Variants in ABCA2 observed in about 807,000 individuals in gnomAD.
ABCA2 encodes ATP binding cassette subfamily A member 2.
ABCA2 carries 84 observed loss-of-function variants against 262.8 expected under a neutral mutation model. The ratio of observed to expected loss-of-function variants is 0.32; its 90% CI spans 0.27 to 0.38. The LOEUF is 0.38. Among genes scored for constraint, ABCA2 ranks in the 10% least tolerant of loss-of-function variants. The pLI is 1.00. For missense variants in ABCA2, 2,662 were observed against 3,405.9 expected, an observed-to-expected ratio of 0.78 and a Z score of 5.44; for synonymous variants, 1,696 against 1,502.9, an observed-to-expected ratio of 1.13 and a Z score of -2.97.
intron 39 of ABCA2, 75 bp downstream of exon 39, chr9:137,010,898 C>CGCCCCTACCCTGCCCCACCCCT: frequency 1.6e-6 from 1 of 641,990 alleles, no homozygotes; most frequent in Non-Finnish European, 2.6e-6. Flanking sequence ...CCCCCACCCC[C>CGCCCCTACCCTGCCCCACCCCT]GCCCCTACCC....
At chr9:137,009,348 C>G in intron 45 of ABCA2, 22 bp downstream of exon 45, 1 of 1,560,638 alleles carries the variant, frequency 6.4e-7, no homozygotes, top group Non-Finnish European at 8.6e-7. Context: ...CCCAGCCCAC[C>G]CCTGGCCCTG....
At position 137,021,393 on chromosome 9, in the gene ABCA2, T is replaced by C. The variant is rs766752857; in HGVS notation, c.896A>G (p.Gln299Arg). ...GGCAGTGGGCAGGCAGGGCCTCACC[T>C]GCTGGGAGACCTTGGCCACGTCCAG... ...NQLDVAKVSQ[Q>R]LGLDAPNGSD... Residue 299 changes from glutamine to arginine, a missense_variant and splice_region_variant, in exon 8 of 49, where the codon CAG (glutamine) becomes CGG (arginine). Transcript: ENST00000341511. The surrounding 1 kb of genome is among the most constrained non-coding windows in gnomAD (Gnocchi z 6.0). 3 of 1,606,092 alleles carry C rather than the reference T, an allele frequency of 1.9e-6. No homozygotes were observed. In the East Asian group the frequency reaches 6.7e-5, roughly 36 times the overall value.
At position 137,022,497 on chromosome 9, in the gene ABCA2, G is replaced by T. The variant is rs375840624; in HGVS notation, c.440-19C>A. The stretch of plus-strand genomic sequence containing the variant: ...GAAGACACTGGACAGGCAGGAAGGC[G>T]AGGCTGAGAGGCCGCTGCACCTTGG... On this transcript the variant is annotated intron_variant, in intron 5 of 48. Coordinates refer to ENST00000341511, the MANE Select transcript of ABCA2 (RefSeq NM_001606.5). The T allele has an allele frequency of 6.2e-7, 1 of 1,607,788 alleles. No individual in the cohort carries two copies. The highest frequency in any genetic ancestry group is 8.5e-7 in the Non-Finnish European group (1 of 1,177,494).
At chr9:137,028,904 TTCGGGA>T (rs776810816), upstream of ABCA2, 5 of 1,296,784 alleles carry the variant, frequency 3.9e-6, no homozygotes, top group African/African-American at 3.2e-5. This position sits in a 1 kb window ranked among gnomAD's most constrained non-coding sequence, Gnocchi z 6.9. Context: ...GCACAGGGAG[TTCGGGA>T]TCAGGCGGTT....
Position 137,011,766 on chromosome 9 carries a change from G to A in ABCA2, c.5536-17C>T, listed in dbSNP as rs145987961. ...GTAGTTGAGCTGCAGGGGTGGGGGC[G>A]GCTGGTGAGAGACCCGGGGCAGGGC... On this transcript the variant is annotated splice_polypyrimidine_tract_variant and intron_variant, in intron 35 of 48. Coordinates refer to ENST00000341511, the MANE Select transcript of ABCA2 (RefSeq NM_001606.5). The surrounding 1 kb of genome is among the most constrained non-coding windows in gnomAD (Gnocchi z 8.8). The A allele has an allele frequency of 1.1e-3, 1,629 of 1,550,384 alleles. 32 individuals are homozygous for A. In the Admixed American group the frequency reaches 0.029, roughly 28 times the overall value.
rs762245882 is a variant in ABCA2, at chr9:137,012,918, C to T, written c.4875G>A (p.Trp1625Ter). The part of the protein sequence containing the change: ...SLPPTAGPEM[W>*]TSAPSLPRLV... ...GGCGCGGCAGGGAGGGTGCCGACGT[C>T]CACATTTCTGTGGGCACAGCATGGT... is the stretch of plus-strand genomic sequence containing the variant. Residue 1625 changes from tryptophan to a stop codon, truncating the protein, a stop_gained, in exon 31 of 49, where the codon TGG (tryptophan) becomes TGA (stop). Transcript: ENST00000341511. LOFTEE classifies it high-confidence loss of function. 6.6e-7 allele frequency: 1 copy of T among 1,517,404 alleles called. No individual in the cohort carries two copies. Among genetic ancestry groups the T allele is most frequent in the Non-Finnish European group, 8.8e-7 (1 of 1,131,074 alleles). The allele number at this position is 1,517,404 out of a possible 1,614,324, so 94.0% of individuals were successfully genotyped here.
rs759819202 is a variant in ABCA2, at chr9:137,007,960, T to C, written c.7280A>G (p.Gln2427Arg). ...GLISFEEERA[Q>R]LSFNTDTLC ...GAGCGTGTCCGTGTTGAAGGACAGC[T>C]GGGCCTGTGCACAGGGGAGGTCAGG... Residue 2427 changes from glutamine (Q) to arginine (R), a missense_variant, in exon 49 of 49, where the codon CAG (glutamine) becomes CGG (arginine). Physicochemically the swap from Gln to Arg is conservative, Grantham distance 43. Coordinates refer to ENST00000341511, the MANE Select transcript of ABCA2 (RefSeq NM_001606.5). 2 of 1,604,994 alleles carry C rather than the reference T, an allele frequency of 1.2e-6. No homozygotes were observed. The highest frequency in any genetic ancestry group is 1.7e-5 in the Admixed American group (1 of 59,990).
intron 48 of ABCA2, 86 bp downstream of exon 48, chr9:137,008,330 C>T (rs1830905317): frequency 3.4e-6 from 5 of 1,468,376 alleles, no homozygotes; most frequent in Non-Finnish European, 4.6e-6. Flanking sequence ...GCCAGTTCTC[C>T]CCCGACCCCA....
At chr9:137,008,674 G>A (rs1830919595) in intron 47 of ABCA2, 52 bp from the exon 48 acceptor site, 3 of 1,563,016 alleles carry the variant, frequency 1.9e-6, no homozygotes, top group South Asian at 1.2e-5. Context: ...GGTGAGGAGG[G>A]GCAGGGCGGG....
At position 137,014,717 on chromosome 9, in the gene ABCA2, C is replaced by T. The variant is rs766586882; in HGVS notation, c.3976G>A (p.Asp1326Asn). 1.0e-5 allele frequency: 16 copies of T among 1,605,896 alleles called. No homozygotes were observed. The highest frequency in any genetic ancestry group is 1.3e-5 in the Non-Finnish European group (15 of 1,177,462). The change falls in exon 26 of 49, where the codon GAT (aspartate) becomes AAT (asparagine). Residue 1326 changes from aspartate (D) to asparagine (N), a missense_variant. By Grantham distance (23) the Asp-to-Asn change is conservative. Coordinates refer to ENST00000341511, the MANE Select transcript of ABCA2 (RefSeq NM_001606.5). ...GCCTCACTGTTCTCCAGCGACTGATCCTCCTCCGACACCTTGAGGAACACT... is the reference window on the plus strand; with the variant it reads ...GCCTCACTGTTCTCCAGCGACTGATTCTCCTCCGACACCTTGAGGAACACT... ...EEVFLKVSEE[D>N]QSLENSEADV... is the part of the protein sequence containing the mutation.
chr9:137,027,955 C>T (rs996972577), intron 1 of ABCA2, 120 bp downstream of exon 1: 65 of 390,524 alleles, frequency 1.7e-4, no homozygotes, highest in African/African-American at 1.3e-3. Flanking sequence ...GCCCGCGCCG[C>T]CCCCAGCGCC....
Position 137,021,577 on chromosome 9 carries a change from G to A in ABCA2, c.712C>T (p.Leu238Phe). ...LLLAPALLEQ[L>F]TCTPGSGELG... is the part of the protein sequence containing the mutation. Reference sequence around the variant, plus strand: ...TCCCCCGAGCCCGGCGTGCAGGTGAGCTGCTCCAGGAGGGCAGGAGCCAGC... The same window carrying A: ...TCCCCCGAGCCCGGCGTGCAGGTGAACTGCTCCAGGAGGGCAGGAGCCAGC... The change falls in exon 8 of 49, where the codon CTC (leucine) becomes TTC (phenylalanine). Residue 238 changes from leucine (L) to phenylalanine (F), a missense_variant. By Grantham distance (22) the Leu-to-Phe change is conservative. Transcript: ENST00000341511. This position sits in a 1 kb window ranked among gnomAD's most constrained non-coding sequence, Gnocchi z 6.0. 6.4e-7 allele frequency: 1 copy of A among 1,568,704 alleles called. No homozygotes were observed. Among genetic ancestry groups the A allele is most frequent in the Non-Finnish European group, 8.6e-7 (1 of 1,158,032 alleles).
intron 48 of ABCA2, chr9:137,008,167 T>A: frequency 1.2e-6 from 1 of 812,292 alleles, no homozygotes; most frequent in Non-Finnish European, 2.0e-6. Flanking sequence ...GGTCCCCTGT[T>A]CCCCGGCTCT....
chr9:137,008,996 G>A lies in ABCA2; in HGVS notation c.6885C>T (p.Asp2295=), dbSNP rs1010386337. 7.5e-6 allele frequency: 12 copies of A among 1,592,782 alleles called. No homozygotes were observed. The highest frequency in any genetic ancestry group is 1.4e-5 in the African/African-American group (1 of 71,588). Reference sequence around the variant, plus strand: ...AGTTGCGGTTGAAGAACCGCACCACGTCCTTCACACTCTGGCTGCTCTTGG... The same window carrying A: ...AGTTGCGGTTGAAGAACCGCACCACATCCTTCACACTCTGGCTGCTCTTGG... ...VRTKSSQSVK[D]VVRFFNRNFP... The change falls in exon 46 of 49, where the codon GAC becomes GAT. Residue 2295 remains aspartate (D), a synonymous_variant. Transcript: ENST00000341511.
chr9:137,019,107 C>G lies in ABCA2; in HGVS notation c.1555-37G>C. 1 of 1,602,184 alleles carries G rather than the reference C, an allele frequency of 6.2e-7. No homozygotes were observed. Among genetic ancestry groups the G allele is most frequent in the Non-Finnish European group, 8.5e-7 (1 of 1,172,684 alleles). Reference sequence around the variant, plus strand: ...GGGGCGGCTCAGAGGGGGACCTGCGCCTGCCGAGCCGGGCAGAGAGGGGCT... The same window carrying G: ...GGGGCGGCTCAGAGGGGGACCTGCGGCTGCCGAGCCGGGCAGAGAGGGGCT... On this transcript the variant is annotated intron_variant, in intron 11 of 48. Coordinates refer to ENST00000341511, the MANE Select transcript of ABCA2 (RefSeq NM_001606.5). The surrounding 1 kb of genome is among the most constrained non-coding windows in gnomAD (Gnocchi z 4.4).
At chr9:137,015,638 G>A (rs754445783) in intron 23 of ABCA2, 37 bp downstream of exon 23, 27 of 1,610,316 alleles carry the variant, frequency 1.7e-5, no homozygotes, top group African/African-American at 9.3e-5. Context: ...CAGGGGAGGC[G>A]CCGCCCGCAC....
At chr9:137,010,872 TCCTGCCCCATC>T (rs1831012718) in intron 39 of ABCA2, 90 bp downstream of exon 39, 22 of 625,632 alleles carry the variant, frequency 3.5e-5, no homozygotes, top group African/African-American at 7.9e-5. Flanking sequence ...CCTCACCCCC[TCCTGCCCCATC>T]CCTGCCCCCA....
chr9:137,028,844 T>C (rs753447167), upstream of ABCA2: 6 of 1,323,022 alleles, frequency 4.5e-6, no homozygotes, highest in Non-Finnish European at 5.0e-6. The surrounding 1 kb of genome is among the most constrained non-coding windows in gnomAD (Gnocchi z 6.9). Context: ...AGGCGGCCCC[T>C]GCTGCACGCG....
In ABCA2 at chr9:137,018,758, G is replaced by C. The variant is rs769067509; in HGVS notation, c.1780C>G (p.Leu594Val). The C allele has an allele frequency of 3.1e-6, 5 of 1,612,306 alleles. No homozygotes were observed. The highest frequency in any genetic ancestry group is 1.7e-5 in the Admixed American group (1 of 59,968). ...PDEESIVNYT[L>V]NQAYQDNVTV... ...ACGTTGTCCTGGTAGGCCTGGTTGA[G>C]GGTGTAGTTGACAATGCTCTCCTCG... Residue 594 changes from leucine (L) to valine (V), a missense_variant, in exon 13 of 49, where the codon CTC becomes GTC. By Grantham distance (32) the Leu-to-Val change is conservative. Around this residue, in one of 12 missense-constraint regions of ABCA2, gnomAD observed 187 missense variants for 205.9 expected, o/e 0.91. Transcript: ENST00000341511.
Sources: allele counts gnomAD v4.1 joint callset, GRCh38; gene constraint gnomAD v4.1.1; regional missense constraint gnomAD v4.1.1; non-coding constraint Gnocchi (gnomAD v3.1); transcripts MANE v1.5; gene names NCBI Gene and HGNC (gene_info 2026-07-23, HGNC 2026-07-21).